PTPRM: variants seen among roughly 807,000 people sequenced by gnomAD.
The protein encoded by PTPRM is receptor-type tyrosine-protein phosphatase mu.
In PTPRM, 47 loss-of-function variants were observed where a neutral mutation model predicts 186.7. That is an observed-to-expected ratio of 0.25 (90% CI 0.20 to 0.32). The LOEUF (loss-of-function observed/expected upper bound fraction) is 0.32, where lower values mean the gene tolerates loss of function less well. Among genes scored for constraint, PTPRM ranks in the 10% least tolerant of loss-of-function variants. The pLI is 1.00. For missense variants in PTPRM, 1,494 were observed against 1,865.0 expected (o/e 0.80, Z 3.66); for synonymous variants, 668 against 674.9 (o/e 0.99, Z 0.16).
intron 14 of PTPRM, among the ~76,000 whole-genome samples, chr18:8,172,848 G>T (rs967471128): frequency 6.6e-6 from 1 of 152,136 alleles, no homozygotes; most frequent in African/African-American, 2.4e-5. Flanking sequence ...TCTCGAAAGG[G>T]TCCCAGATGA....
At chr18:7,784,372 G>C (rs1362092414) in intron 2 of PTPRM, among the ~76,000 whole-genome samples, 1 of 152,018 alleles carries the variant, frequency 6.6e-6, no homozygotes, top group Non-Finnish European at 1.5e-5. Context: ...CAAGTATGTC[G>C]CTCTCTGCCA....
intron 1 of PTPRM, among the ~76,000 whole-genome samples, chr18:7,608,595 G>T (rs2037594087): frequency 6.6e-6 from 1 of 152,040 alleles, no homozygotes; most frequent in Non-Finnish European, 1.5e-5. Context: ...TTGGTGTGGG[G>T]ATATCTGTGG....
chr18:8,096,668 C>G (rs1350478644), intron 11 of PTPRM, among the ~76,000 whole-genome samples: 2 of 152,220 alleles, frequency 1.3e-5, no homozygotes, highest in Admixed American at 6.5e-5. Context: ...TAAAGCTGCT[C>G]TGCCATTTGC....
intron 22 of PTPRM, among the ~76,000 whole-genome samples, chr18:8,327,020 A>G (rs368214819): frequency 1.8e-4 from 27 of 152,210 alleles, no homozygotes; most frequent in African/African-American, 6.5e-4. Context: ...TCACATTTCA[A>G]AATGTAAGTA....
chr18:8,353,477 T>C (rs2095546980), intron 23 of PTPRM, among the ~76,000 whole-genome samples: 2 of 152,130 alleles, frequency 1.3e-5, no homozygotes, highest in Admixed American at 1.3e-4. Flanking sequence ...GGGCTTGAGT[T>C]TGGGCAGAGG....
intron 19 of PTPRM, among the ~76,000 whole-genome samples, chr18:8,287,601 T>G (rs2094971172): frequency 6.6e-6 from 1 of 152,196 alleles, no homozygotes. Flanking sequence ...GCTCTCTAGA[T>G]GTTTTCAAGA....
chr18:7,643,935 T>A (rs1327435359), intron 1 of PTPRM, among the ~76,000 whole-genome samples: 1 of 152,134 alleles, frequency 6.6e-6, no homozygotes, highest in Non-Finnish European at 1.5e-5. Flanking sequence ...AAATCAAGTT[T>A]TAAAAAAAGG....
chr18:7,703,964 A>G (rs2040020806), intron 1 of PTPRM, among the ~76,000 whole-genome samples: 1 of 152,042 alleles, frequency 6.6e-6, no homozygotes, highest in Non-Finnish European at 1.5e-5. Flanking sequence ...TGTATATGTG[A>G]TGGATTATGT....
rs146425317 is a variant in PTPRM, at chr18:8,109,393, G to T, written c.1857-4093G>T. The stretch of plus-strand genomic sequence containing the variant: ...TTGAAAATCTAATTTGTCTTGTGGA[G>T]CAAGGATGAAAAGACATTTTGGGTT... On this transcript the variant is annotated intron_variant, in intron 11 of 32. Transcript: ENST00000580170. Among the ~76,000 whole-genome samples, 513 of 152,274 alleles carry T rather than the reference G, an allele frequency of 3.4e-3. 2 individuals are homozygous for T. The highest frequency in any genetic ancestry group is 0.011 in the African/African-American group (461 of 41,544).
intron 6 of PTPRM, among the ~76,000 whole-genome samples, chr18:7,954,292 A>G (rs1260041700): frequency 6.6e-6 from 1 of 152,206 alleles, no homozygotes; most frequent in Non-Finnish European, 1.5e-5. Flanking sequence ...CAAGCTGTGC[A>G]TGGTATGTTT....
At chr18:7,993,891 A>G (rs1412439148) in intron 7 of PTPRM, among the ~76,000 whole-genome samples, 1 of 152,138 alleles carries the variant, frequency 6.6e-6, no homozygotes, top group Non-Finnish European at 1.5e-5. Context: ...TCAGAGAGGA[A>G]GAAATGAATA....
chr18:7,747,479 T>C (rs1337395166), intron 1 of PTPRM: 1 of 152,306 alleles, frequency 6.6e-6, no homozygotes, highest in Non-Finnish European at 1.5e-5. Flanking sequence ...TTCGGGAGAC[T>C]AGAAGTCCAA....
Position 8,247,829 on chromosome 18 carries a change from T to C in PTPRM, c.2453-16T>C. 1 of 1,569,308 alleles carries C rather than the reference T, an allele frequency of 6.4e-7. No individual in the cohort carries two copies. The highest frequency in any genetic ancestry group is 8.8e-7 in the Non-Finnish European group (1 of 1,139,378). On this transcript the variant is annotated splice_polypyrimidine_tract_variant and intron_variant, in intron 15 of 32. Coordinates refer to ENST00000580170, the MANE Select transcript of PTPRM (RefSeq NM_001105244.2). ...ACCTCTCTGCTGCCCCTGACCAGCC[T>C]CTCTTTTATTTACAGCTGTGTCTTC... is the stretch of plus-strand genomic sequence containing the variant.
chr18:7,988,264 T>G (rs1010768299), intron 7 of PTPRM, among the ~76,000 whole-genome samples: 1 of 152,100 alleles, frequency 6.6e-6, no homozygotes, highest in African/African-American at 2.4e-5. Context: ...GCAAATGATT[T>G]AGAGATACTT....
intron 19 of PTPRM, among the ~76,000 whole-genome samples, chr18:8,288,417 A>T (rs1198466035): frequency 3.3e-5 from 5 of 152,158 alleles, no homozygotes; most frequent in Non-Finnish European, 7.3e-5. Flanking sequence ...TTTTTTAGGG[A>T]ACAAAAGAAA....
chr18:8,138,599 C>T (rs550007721), intron 13 of PTPRM, among the ~76,000 whole-genome samples: 25 of 152,264 alleles, frequency 1.6e-4, no homozygotes, highest in African/African-American at 5.5e-4. Context: ...CAAAAGAGAC[C>T]TTTCAAATGC....
intron 14 of PTPRM, among the ~76,000 whole-genome samples, chr18:8,173,804 C>A (rs2146492457): frequency 6.6e-6 from 1 of 152,260 alleles, no homozygotes; most frequent in South Asian, 2.1e-4. Context: ...TGTGGTGGCT[C>A]ACCCCTGTAA....
chr18:8,207,847 T>G (rs950657134), intron 14 of PTPRM, among the ~76,000 whole-genome samples: 3 of 152,188 alleles, frequency 2.0e-5, no homozygotes. Flanking sequence ...AATGCCAGTG[T>G]TATCCCTGGA....
intron 7 of PTPRM, among the ~76,000 whole-genome samples, chr18:7,990,621 A>T (rs2083217070): frequency 2.0e-5 from 3 of 152,204 alleles, no homozygotes; most frequent in Non-Finnish European, 4.4e-5. Context: ...GGCAATGCTG[A>T]TTGGCATTGA....
Sources: gnomAD v4.1 joint callset for allele counts (sites outside exome capture counted in the v4.1 genomes callset) on GRCh38, gnomAD v4.1.1 for gene constraint, MANE v1.5 for transcripts, NCBI Gene and HGNC (gene_info 2026-07-23, HGNC 2026-07-21) for gene names.